Variants in TRMT9B observed in about 807,000 individuals in gnomAD.
The protein encoded by TRMT9B is probable tRNA methyltransferase 9B.
In TRMT9B, 16 loss-of-function variants were observed where a neutral mutation model predicts 11.5. The observed-to-expected ratio is 1.39, with a 90% CI of 0.94 to 2.11. The LOEUF (loss-of-function observed/expected upper bound fraction) is 2.11. Among genes scored for constraint, TRMT9B ranks in the 30% most tolerant of loss-of-function variants. The probability of loss-of-function intolerance (pLI) is 0.00; values close to 1 mark genes in which losing one functional copy is unlikely to be tolerated. For synonymous variants in TRMT9B, 274 were observed against 192.4 expected (o/e 1.42, Z -3.51); for missense variants, 941 against 553.8 (o/e 1.70, Z -7.02).
chr8:13,021,408 A>C lies in TRMT9B; in HGVS notation c.729A>C (p.Leu243Phe). 1 of 1,614,074 alleles carries C rather than the reference A, an allele frequency of 6.2e-7. No homozygotes were observed. The highest frequency in any genetic ancestry group is 8.5e-7 in the Non-Finnish European group (1 of 1,179,902). The change falls in exon 5 of 5, where the codon TTA becomes TTC. Residue 243 changes from leucine (L) to phenylalanine (F), a missense_variant. Coordinates refer to ENST00000524591, the MANE Select transcript of TRMT9B (RefSeq NM_020844.3). The part of the protein sequence containing the change: ...GEEEYGFYST[L>F]GKSFRSWFFS... ...AAGAATATGGATTTTACAGCACATTAGGAAAATCGTTTCGTTCCTGGTTTT... is the reference window on the plus strand; with the variant it reads ...AAGAATATGGATTTTACAGCACATTCGGAAAATCGTTTCGTTCCTGGTTTT...
chr8:12,971,247 T>A (rs1379407806), intron 1 of TRMT9B, among the ~76,000 whole-genome samples: 2 of 152,182 alleles, frequency 1.3e-5, no homozygotes, highest in African/African-American at 2.4e-5. Flanking sequence ...CTTTTTTCAA[T>A]TTTTTTCTTT....
chr8:12,956,856 C>G (rs1036165543), intron 1 of TRMT9B, among the ~76,000 whole-genome samples: 1 of 152,086 alleles, frequency 6.6e-6, no homozygotes, highest in Non-Finnish European at 1.5e-5. Flanking sequence ...TTTTTCCAAA[C>G]TATTGAAGTA....
Position 13,021,581 on chromosome 8 carries a change from C to T in TRMT9B, c.902C>T (p.Ser301Leu). Residue 301 changes from serine to leucine, a missense_variant, in exon 5 of 5, where the codon TCA becomes TTA. Physicochemically the swap from Ser to Leu is moderately radical, Grantham distance 145 (BLOSUM62 -2). Transcript: ENST00000524591. Reference protein sequence around the residue: ...SLDFDHQEPFSTKGQSLDEEV... With the variant: ...SLDFDHQEPFLTKGQSLDEEV... The stretch of plus-strand genomic sequence containing the variant: ...GACTTTGATCACCAAGAGCCATTTT[C>T]AACAAAAGGGCAAAGTTTAGATGAG... 6.2e-7 allele frequency: 1 copy of T among 1,613,880 alleles called. No homozygotes were observed. The highest frequency in any genetic ancestry group is 8.5e-7 in the Non-Finnish European group (1 of 1,179,854).
At chr8:12,991,617 T>C (rs983060560) in intron 2 of TRMT9B, among the ~76,000 whole-genome samples, 1 of 152,288 alleles carries the variant, frequency 6.6e-6, no homozygotes, top group Non-Finnish European at 1.5e-5. Context: ...AAAGTGACCA[T>C]CGTATGCCTA....
At chr8:12,974,283 A>G (rs1804084037) in intron 1 of TRMT9B, among the ~76,000 whole-genome samples, 1 of 152,078 alleles carries the variant, frequency 6.6e-6, no homozygotes, top group Non-Finnish European at 1.5e-5. Context: ...GAAGGATGCA[A>G]CAAGAGAAGA....
rs568075078 is a variant in TRMT9B, at chr8:13,005,281, A to G, written c.-1-921A>G. On this transcript the variant is annotated intron_variant, in intron 2 of 4. Transcript: ENST00000524591. ...TATAGAGAGTAGAAGGATGGTTACG[A>G]GAGGCTGCAAAGCGTAGCGGGGAGG... Among the ~76,000 whole-genome samples, 6 of 152,258 alleles carry G rather than the reference A, an allele frequency of 3.9e-5. No homozygotes were observed. In the South Asian group the frequency reaches 1.0e-3, roughly 26 times the overall value.
chr8:13,011,708 T>A (rs563054547), intron 3 of TRMT9B: 18 of 976,942 alleles, frequency 1.8e-5, no homozygotes, highest in Non-Finnish European at 2.2e-5. Flanking sequence ...ATTACTTAGG[T>A]CTCTGCTACT....
intron 4 of TRMT9B, 86 bp downstream of exon 4, chr8:13,012,943 T>A: frequency 7.2e-7 from 1 of 1,385,756 alleles, no homozygotes; most frequent in East Asian, 2.5e-5. Context: ...ACATCCGTTC[T>A]GTGTAGAAAT....
At chr8:13,013,842 AG>A (rs1219284240) in intron 4 of TRMT9B, among the ~76,000 whole-genome samples, 1 of 152,130 alleles carries the variant, frequency 6.6e-6, no homozygotes, top group East Asian at 1.9e-4. Flanking sequence ...CCAGCTACTC[AG>A]GAGGCTGAGG....
chr8:12,968,843 C>T (rs966754110), intron 1 of TRMT9B, among the ~76,000 whole-genome samples: 5 of 152,202 alleles, frequency 3.3e-5, no homozygotes, highest in African/African-American at 1.2e-4. Context: ...GCCTGACTCA[C>T]CCCATGGAGA....
chr8:13,019,253 A>T (rs1563448711), intron 4 of TRMT9B, among the ~76,000 whole-genome samples: 1 of 152,312 alleles, frequency 6.6e-6, no homozygotes, highest in African/African-American at 2.4e-5. Flanking sequence ...GTTATGGGAG[A>T]TACATACATA....
rs565363635 is a variant in TRMT9B, at chr8:12,957,153, C to T, written c.-200+11187C>T. On this transcript the variant is annotated intron_variant, in intron 1 of 4. Coordinates refer to ENST00000524591, the MANE Select transcript of TRMT9B (RefSeq NM_020844.3). ...AGGTGGAAGATGGAAATAATTGAAA[C>T]ATGAACATGTTTCTGCTTTCAAAGA... 2.6e-5 allele frequency among the ~76,000 whole-genome samples: 4 copies of T among 152,236 alleles called. No homozygotes were observed. In the South Asian group the frequency reaches 8.3e-4, roughly 32 times the overall value.
intron 1 of TRMT9B, among the ~76,000 whole-genome samples, chr8:12,983,938 T>C (rs1487752946): frequency 6.6e-6 from 1 of 152,188 alleles, no homozygotes; most frequent in African/African-American, 2.4e-5. Flanking sequence ...ATTAATGATA[T>C]GTCCTATTTT....
At chr8:12,967,962 C>G (rs1012542543) in intron 1 of TRMT9B, among the ~76,000 whole-genome samples, 1 of 152,230 alleles carries the variant, frequency 6.6e-6, no homozygotes, top group African/African-American at 2.4e-5. Context: ...GTGGCACGAT[C>G]TTGGCTCACT....
At chr8:13,012,269 G>C (rs1811758794) in intron 3 of TRMT9B, 1 of 987,304 alleles carries the variant, frequency 1.0e-6, no homozygotes, top group Non-Finnish European at 1.2e-6. Flanking sequence ...ATTCTGTCTT[G>C]GTTAGTTAAA....
chr8:13,019,892 C>T (rs997584249), intron 4 of TRMT9B, among the ~76,000 whole-genome samples: 9 of 152,270 alleles, frequency 5.9e-5, no homozygotes, highest in African/African-American at 2.2e-4. Flanking sequence ...ACCCTCACAC[C>T]TCTGGCTTTC....
Position 13,023,410 on chromosome 8 carries a change from A to G in TRMT9B, c.*1366A>G, listed in dbSNP as rs1042622942. ...TGAAGGTGACTACATTTTATTAGTT[A>G]TATTAGGAATTTAGGTAGAATCAAC... On this transcript the variant is annotated 3_prime_UTR_variant, in exon 5 of 5. Transcript: ENST00000524591. The G allele has an allele frequency of 6.0e-6, 1 of 167,102 alleles. No homozygotes were observed. Among genetic ancestry groups the G allele is most frequent in the South Asian group, 2.1e-4 (1 of 4,834 alleles). 10.4% of individuals were successfully genotyped at this position (167,102 alleles called of 1,614,324 possible). A position where few individuals can be genotyped will look rare whatever the true frequency, so the allele number is the denominator to read the frequency against.
At position 12,954,529 on chromosome 8, in the gene TRMT9B, C is replaced by T. The variant is rs1585062190; in HGVS notation, c.-200+8563C>T. On this transcript the variant is annotated intron_variant, in intron 1 of 4. Coordinates refer to ENST00000524591, the MANE Select transcript of TRMT9B (RefSeq NM_020844.3). ...AGTGAAAGCTCTCATTGCGATTAAG[C>T]CCCTGGTATAATGCATTATTGAAAT... Among the ~76,000 whole-genome samples the T allele has an allele frequency of 2.0e-5, 3 of 152,148 alleles. No individual in the cohort carries two copies. The South Asian group carries it at 6.2e-4, about 32-fold the overall frequency.
chr8:12,970,108 C>G (rs1803385217), intron 1 of TRMT9B: 1 of 152,148 alleles, frequency 6.6e-6, no homozygotes, highest in Admixed American at 6.6e-5. Flanking sequence ...AACTTTAGCC[C>G]CTCACCTGGT....
Sources: gnomAD v4.1 joint callset for allele counts (sites outside exome capture counted in the v4.1 genomes callset) on GRCh38, gnomAD v4.1.1 for gene constraint, MANE v1.5 for transcripts, NCBI Gene and HGNC (gene_info 2026-07-23, HGNC 2026-07-21) for gene names.